Variants in RUNX1 observed in about 807,000 individuals in gnomAD.
The protein encoded by RUNX1 is RUNX family transcription factor 1.
In RUNX1, 19 loss-of-function variants were observed where a neutral mutation model predicts 42.8. That is an observed-to-expected ratio of 0.44 (90% CI 0.31 to 0.65). The LOEUF (loss-of-function observed/expected upper bound fraction) is 0.65. Ranked by LOEUF, RUNX1 falls within the 30% of genes least tolerant of loss-of-function variation. RUNX1 has a pLI of 0.07. For synonymous variants in RUNX1, 271 were observed against 289.4 expected (o/e 0.94, Z 0.64); for missense variants, 528 against 672.0 (o/e 0.79, Z 2.37).
At chr21:34,905,538 G>A (rs1184323612) in intron 2 of RUNX1, among the ~76,000 whole-genome samples, 1 of 152,304 alleles carries the variant, frequency 6.6e-6, no homozygotes, top group South Asian at 2.1e-4. Flanking sequence ...CATTCCTTTA[G>A]TGAAGATATG....
chr21:35,046,064 C>T (rs2059393988), intron 2 of RUNX1, among the ~76,000 whole-genome samples: 1 of 152,222 alleles, frequency 6.6e-6, no homozygotes, highest in South Asian at 2.1e-4. Context: ...ACACACTGCA[C>T]TTTTCAAGGG....
intron 7 of RUNX1, among the ~76,000 whole-genome samples, chr21:34,817,392 A>G (rs1569022460): frequency 6.6e-6 from 1 of 152,250 alleles, no homozygotes; most frequent in Non-Finnish European, 1.5e-5. Flanking sequence ...GTAAGTCCTC[A>G]GTCTCAAATG....
intron 2 of RUNX1, among the ~76,000 whole-genome samples, chr21:35,044,726 C>A (rs760010469): frequency 2.0e-5 from 3 of 152,184 alleles, no homozygotes; most frequent in African/African-American, 4.8e-5. Context: ...GTGTGCACAG[C>A]GGCTGTGCAG....
chr21:34,798,622 G>T (rs1302059736), intron 8 of RUNX1, among the ~76,000 whole-genome samples: 1 of 151,972 alleles, frequency 6.6e-6, no homozygotes, highest in African/African-American at 2.4e-5. Flanking sequence ...AAAAAGGATG[G>T]TTGTGTCTGT....
At chr21:34,857,330 C>T (rs964393892) in intron 6 of RUNX1, among the ~76,000 whole-genome samples, 8 of 152,126 alleles carry the variant, frequency 5.3e-5, no homozygotes, top group African/African-American at 9.7e-5. Flanking sequence ...ACAGCCAGAC[C>T]GTTACAATCG....
chr21:34,951,099 T>G (rs2058603767), intron 2 of RUNX1, among the ~76,000 whole-genome samples: 2 of 152,178 alleles, frequency 1.3e-5, no homozygotes, highest in Admixed American at 1.3e-4. Flanking sequence ...TGCTGCCGAG[T>G]GTTAGACATA....
chr21:34,927,304 A>G (rs1004937393), intron 2 of RUNX1, among the ~76,000 whole-genome samples: 1 of 152,164 alleles, frequency 6.6e-6, no homozygotes, highest in Non-Finnish European at 1.5e-5. Context: ...CGTAACACAG[A>G]ATGCACAAGA....
intron 6 of RUNX1, among the ~76,000 whole-genome samples, chr21:34,841,192 A>G (rs2057229379): frequency 6.6e-6 from 1 of 151,996 alleles, no homozygotes; most frequent in South Asian, 2.1e-4. Flanking sequence ...CACCCCGCCC[A>G]CACTCCCTGT....
intron 2 of RUNX1, among the ~76,000 whole-genome samples, chr21:34,931,329 T>C (rs1272816646): frequency 2.1e-5 from 3 of 143,374 alleles, no homozygotes; most frequent in Non-Finnish European, 3.0e-5. Context: ...TATATATATA[T>C]ACACATTTAT....
intron 8 of RUNX1, among the ~76,000 whole-genome samples, chr21:34,796,130 AATG>A (rs2056524503): frequency 6.6e-6 from 1 of 152,206 alleles, no homozygotes; most frequent in Non-Finnish European, 1.5e-5. Context: ...TAAGTACTGG[AATG>A]ATGTTATGGT....
intron 2 of RUNX1, among the ~76,000 whole-genome samples, chr21:34,965,776 A>T (rs976488096): frequency 1.3e-5 from 2 of 152,180 alleles, no homozygotes; most frequent in African/African-American, 4.8e-5. Context: ...ATGCTCTGAA[A>T]TCTAGGGCAT....
At chr21:34,993,106 G>A (rs947744753) in intron 2 of RUNX1, among the ~76,000 whole-genome samples, 1 of 152,232 alleles carries the variant, frequency 6.6e-6, no homozygotes, top group Non-Finnish European at 1.5e-5. Context: ...CCTCGTATCT[G>A]GCGGACGCCA....
intron 3 of RUNX1, among the ~76,000 whole-genome samples, chr21:34,889,142 G>T (rs1360948679): frequency 2.1e-4 from 1 of 4,706 alleles, no homozygotes; most frequent in Non-Finnish European, 3.9e-4. Context: ...CCGCCACGAG[G>T]CTCCCGAACC....
intron 2 of RUNX1, among the ~76,000 whole-genome samples, chr21:34,958,943 C>G (rs1489970589): frequency 6.6e-6 from 1 of 151,740 alleles, no homozygotes; most frequent in East Asian, 1.9e-4. Flanking sequence ...AGTAAACTAT[C>G]GCAAAGACAA....
chr21:34,947,792 T>C (rs1003814497), intron 2 of RUNX1, among the ~76,000 whole-genome samples: 1 of 152,198 alleles, frequency 6.6e-6, no homozygotes, highest in Admixed American at 6.5e-5. Flanking sequence ...ACGAACCCAC[T>C]CCTAACTTCC....
At chr21:35,037,736 T>G (rs2146993573) in intron 2 of RUNX1, among the ~76,000 whole-genome samples, 1 of 152,294 alleles carries the variant, frequency 6.6e-6, no homozygotes. Context: ...ACTCACAGGG[T>G]TGTGCCAAAA....
intron 2 of RUNX1, among the ~76,000 whole-genome samples, chr21:34,964,487 C>CAAAAAAAAAA (rs58388110): frequency 8.4e-6 from 1 of 119,334 alleles, no homozygotes. Context: ...GACTCCATCT[C>CAAAAAAAAAA]AAAAAAAAAA....
At position 34,930,049 on chromosome 21, in the gene RUNX1, T is replaced by A. The variant is rs144716632; in HGVS notation, c.59-37086A>T. On this transcript the variant is annotated intron_variant, in intron 2 of 8. Transcript: ENST00000675419. ...AGAATAAATTCTTTCTCTCTCTCCA[T>A]ATATATACATATCTCATGAAAATAT... 6.9e-3 allele frequency among the ~76,000 whole-genome samples: 1,036 copies of A among 150,818 alleles called. 11 individuals carry two copies. Among genetic ancestry groups the A allele is most frequent in the African/African-American group, 0.024 (989 of 41,128 alleles).
At chr21:34,884,927 A>G (rs750017765) in intron 4 of RUNX1, among the ~76,000 whole-genome samples, 2 of 152,228 alleles carry the variant, frequency 1.3e-5, no homozygotes, top group Non-Finnish European at 2.9e-5. Flanking sequence ...GCCAAAAGTC[A>G]TTTTAAAAAG....
Sources: gnomAD v4.1 joint callset for allele counts (sites outside exome capture counted in the v4.1 genomes callset) on GRCh38, gnomAD v4.1.1 for gene constraint, MANE v1.5 for transcripts, NCBI Gene and HGNC (gene_info 2026-07-23, HGNC 2026-07-21) for gene names.